Variants in KCND2 observed in about 807,000 individuals in gnomAD.
KCND2 encodes potassium voltage-gated channel subfamily D member 2, also known as A-type voltage-gated potassium channel KCND2.
In KCND2, 16 loss-of-function variants were observed where a neutral mutation model predicts 54.4. The ratio of observed to expected loss-of-function variants is 0.29; its 90% CI spans 0.20 to 0.45. The LOEUF (loss-of-function observed/expected upper bound fraction) is 0.45. Among genes scored for constraint, KCND2 ranks in the 20% least tolerant of loss-of-function variants. The probability of loss-of-function intolerance (pLI) is 1.00; values close to 1 mark genes in which losing one functional copy is unlikely to be tolerated. For synonymous variants in KCND2, 317 were observed against 310.7 expected, an observed-to-expected ratio of 1.02 and a Z score of -0.21; for missense variants, 486 against 824.2, an observed-to-expected ratio of 0.59 and a Z score of 5.02.
At chr7:120,517,389 A>C (rs996576064) in intron 1 of KCND2, among the ~76,000 whole-genome samples, 1 of 152,106 alleles carries the variant, frequency 6.6e-6, no homozygotes, top group Non-Finnish European at 1.5e-5. Flanking sequence ...CACAAAAACT[A>C]TACATAGCTA....
intron 1 of KCND2, among the ~76,000 whole-genome samples, chr7:120,502,570 T>C (rs1344860106): frequency 6.6e-6 from 1 of 152,012 alleles, no homozygotes; most frequent in African/African-American, 2.4e-5. Flanking sequence ...GCAATACATT[T>C]CCAGCTTTGG....
At chr7:120,479,956 G>A (rs1407749730) in intron 1 of KCND2, among the ~76,000 whole-genome samples, 9 of 119,450 alleles carry the variant, frequency 7.5e-5, no homozygotes, top group East Asian at 5.4e-4. Flanking sequence ...GACAGAGTAA[G>A]ACTGTCAAAA....
At chr7:120,289,051 C>CAA (rs1799391849) in intron 1 of KCND2, among the ~76,000 whole-genome samples, 1 of 18,728 alleles carries the variant, frequency 5.3e-5, no homozygotes, top group African/African-American at 7.3e-5. Flanking sequence ...CACACACACA[C>CAA]ACACACACAC....
intron 1 of KCND2, among the ~76,000 whole-genome samples, chr7:120,587,575 T>A (rs756697801): frequency 1.2e-4 from 18 of 152,060 alleles, no homozygotes; most frequent in Non-Finnish European, 2.4e-4. Flanking sequence ...ATATATCTTT[T>A]GGGGAAAAAA....
intron 1 of KCND2, among the ~76,000 whole-genome samples, chr7:120,376,571 T>G (rs1406473169): frequency 6.6e-6 from 1 of 150,984 alleles, no homozygotes; most frequent in Admixed American, 6.6e-5. Flanking sequence ...TTATATATCA[T>G]TATAAAATAT....
intron 1 of KCND2, among the ~76,000 whole-genome samples, chr7:120,505,479 A>G (rs939123438): frequency 2.0e-5 from 3 of 151,862 alleles, no homozygotes; most frequent in South Asian, 2.1e-4. Context: ...AAATATAAGG[A>G]AATATAGAGA....
At chr7:120,582,289 C>T (rs1792526320) in intron 1 of KCND2, among the ~76,000 whole-genome samples, 1 of 152,068 alleles carries the variant, frequency 6.6e-6, no homozygotes, top group Non-Finnish European at 1.5e-5. Context: ...CTCCTACTAG[C>T]ACCTCTTCCA....
rs1801722320 is a variant in KCND2 at position 120,427,314 on chromosome 7, T to TAA, written c.1115+151568_1115+151569insAA. ...CTCACATCCCCTGCCATTGTTCAGT[T>TAA]ACACCCTTTGTAAGCAGACCCTTGA... On this transcript the variant is annotated intron_variant, in intron 1 of 5. Transcript: ENST00000331113. Among the ~76,000 whole-genome samples, 3 of 152,216 alleles carry TAA rather than the reference T, an allele frequency of 2.0e-5. No individual in the cohort carries two copies. The South Asian group carries it at 6.2e-4, about 31-fold the overall frequency.
At chr7:120,475,522 C>G (rs1022040002) in intron 1 of KCND2, among the ~76,000 whole-genome samples, 5 of 152,046 alleles carry the variant, frequency 3.3e-5, no homozygotes, top group Non-Finnish European at 7.4e-5. Context: ...ATCTGATGTT[C>G]ACACCAATCC....
intron 2 of KCND2, among the ~76,000 whole-genome samples, chr7:120,734,749 T>A (rs977910540): frequency 5.3e-5 from 8 of 152,108 alleles, no homozygotes; most frequent in African/African-American, 1.2e-4. Flanking sequence ...TTTCATTTTT[T>A]AAAAAATATC....
intron 3 of KCND2, among the ~76,000 whole-genome samples, chr7:120,741,898 G>C (rs1321638632): frequency 1.3e-5 from 2 of 151,692 alleles, no homozygotes; most frequent in Admixed American, 6.6e-5. Flanking sequence ...TATTAACATG[G>C]TAAAGGTAAA....
chr7:120,652,662 A>G (rs1169390752), intron 1 of KCND2, among the ~76,000 whole-genome samples: 1 of 152,208 alleles, frequency 6.6e-6, no homozygotes, highest in African/African-American at 2.4e-5. Context: ...TAATTGGATT[A>G]CATATGGGAT....
In KCND2 at chr7:120,738,730, G is replaced by T. The variant is rs1009971297; in HGVS notation, c.1279-2804G>T. On this transcript the variant is annotated intron_variant, in intron 2 of 5. Coordinates refer to ENST00000331113, the MANE Select transcript of KCND2 (RefSeq NM_012281.3). ...ATACATTTCTTTTTACCAGCAGATGGCTTTCTTTTAACCTCCCAATTACAT... is the reference window on the plus strand; with the variant it reads ...ATACATTTCTTTTTACCAGCAGATGTCTTTCTTTTAACCTCCCAATTACAT... Among the ~76,000 whole-genome samples the T allele has an allele frequency of 2.6e-5, 4 of 151,976 alleles. No individual in the cohort carries two copies. The South Asian group carries it at 6.2e-4, about 24-fold the overall frequency.
intron 2 of KCND2, among the ~76,000 whole-genome samples, chr7:120,734,207 C>G (rs1792843373): frequency 6.6e-6 from 1 of 152,014 alleles, no homozygotes; most frequent in African/African-American, 2.4e-5. Flanking sequence ...ACAGTTGGCC[C>G]CCTTTGATTG....
At chr7:120,621,894 CT>C (rs1259703650) in intron 1 of KCND2, among the ~76,000 whole-genome samples, 1 of 152,038 alleles carries the variant, frequency 6.6e-6, no homozygotes, top group Admixed American at 6.6e-5. Flanking sequence ...TTTTATTCAT[CT>C]TCCTGAAAGC....
At chr7:120,676,030 G>A (rs548495204) in intron 1 of KCND2, among the ~76,000 whole-genome samples, 1 of 151,878 alleles carries the variant, frequency 6.6e-6, no homozygotes, top group Non-Finnish European at 1.5e-5. Context: ...TAGAGACGAG[G>A]TTTGGCCATT....
At chr7:120,347,380 T>G (rs2116376590) in intron 1 of KCND2, among the ~76,000 whole-genome samples, 1 of 152,280 alleles carries the variant, frequency 6.6e-6, no homozygotes, top group Non-Finnish European at 1.5e-5. Flanking sequence ...GGCATGCTAC[T>G]TATGTGTAAA....
At chr7:120,318,841 A>G (rs1460269030) in intron 1 of KCND2, among the ~76,000 whole-genome samples, 2 of 152,114 alleles carry the variant, frequency 1.3e-5, no homozygotes, top group Non-Finnish European at 2.9e-5. Context: ...GGAACAATGC[A>G]TTAAACATTT....
rs565103591 is a variant in KCND2 at position 120,749,950 on chromosome 7, C to T, written c.*2092C>T. On this transcript the variant is annotated 3_prime_UTR_variant, in exon 6 of 6. Transcript: ENST00000331113. Reference sequence around the variant, plus strand: ...CAATGAGAAGTTCTATTTTCATGTTCTTAATATTACATACAAGAAAATGCA... The same window carrying T: ...CAATGAGAAGTTCTATTTTCATGTTTTTAATATTACATACAAGAAAATGCA... The T allele has an allele frequency of 6.6e-5, 10 of 151,948 alleles. No individual in the cohort carries two copies. The South Asian group carries it at 2.1e-3, about 31-fold the overall frequency. 9.4% of individuals were successfully genotyped at this position (151,948 alleles called of 1,614,324 possible). A position where few individuals can be genotyped will look rare whatever the true frequency, so the allele number is the denominator to read the frequency against.
Sources: allele counts gnomAD v4.1 joint callset (sites outside exome capture counted in the v4.1 genomes callset), GRCh38; gene constraint gnomAD v4.1.1; transcripts MANE v1.5; gene names NCBI Gene and HGNC (gene_info 2026-07-23, HGNC 2026-07-21).